ARNT2: variants seen among roughly 807,000 people sequenced by gnomAD.
ARNT2 encodes aryl hydrocarbon receptor nuclear translocator 2, also known as ARNT protein 2.
ARNT2 carries 36 observed loss-of-function variants against 91.7 expected under a neutral mutation model. That is an observed-to-expected ratio of 0.39 (90% CI 0.30 to 0.52). The LOEUF (loss-of-function observed/expected upper bound fraction) is 0.52. ARNT2 is among the 20% of genes least tolerant of loss of function. The pLI, the probability that ARNT2 is intolerant of heterozygous loss-of-function variation, is 0.72. For missense variants in ARNT2, 775 were observed against 939.3 expected (o/e 0.83, Z 2.29); for synonymous variants, 365 against 347.1 (o/e 1.05, Z -0.57).
intron 8 of ARNT2, among the ~76,000 whole-genome samples, chr15:80,521,008 A>G (rs868165729): frequency 6.6e-6 from 1 of 152,228 alleles, no homozygotes; most frequent in Non-Finnish European, 1.5e-5. Context: ...TTTACAAAAT[A>G]TAGTAATTCT....
chr15:80,482,830 AGGCC>A (rs1896910150), intron 5 of ARNT2, among the ~76,000 whole-genome samples: 1 of 152,210 alleles, frequency 6.6e-6, no homozygotes, highest in African/African-American at 2.4e-5. Context: ...GAAGCTCTGG[AGGCC>A]CAGAGATCTG....
chr15:80,555,615 C>T (rs771320118), intron 11 of ARNT2: 1 of 155,310 alleles, frequency 6.4e-6, no homozygotes, highest in Non-Finnish European at 1.4e-5. Flanking sequence ...CTGGTACAGC[C>T]AAGTTATGAA....
At chr15:80,533,854 G>A (rs541853157) in intron 8 of ARNT2, among the ~76,000 whole-genome samples, 2 of 152,312 alleles carry the variant, frequency 1.3e-5, no homozygotes, top group South Asian at 2.1e-4. Flanking sequence ...TTACTGATGA[G>A]GCCCCAAGAG....
intron 3 of ARNT2, among the ~76,000 whole-genome samples, chr15:80,461,574 A>G (rs1212788636): frequency 6.6e-6 from 1 of 152,080 alleles, no homozygotes; most frequent in Non-Finnish European, 1.5e-5. Context: ...GGTCCAGTAG[A>G]GGAGGCCGAG....
Position 80,591,242 on chromosome 15 carries a change from C to T in ARNT2, c.1919-326C>T, listed in dbSNP as rs10220829. On this transcript the variant is annotated intron_variant, in intron 17 of 18. Transcript: ENST00000303329. This position sits in a 1 kb window ranked among gnomAD's most constrained non-coding sequence, Gnocchi z 5.1. ...ATATGCCCCTTGCCCCCCAGATGCC[C>T]GCAGGAGGCCTTTGTGCACAGTCAC... Among the ~76,000 whole-genome samples, 6 of 152,160 alleles carry T rather than the reference C, an allele frequency of 3.9e-5. No individual in the cohort carries two copies. In the South Asian group the frequency reaches 8.3e-4, roughly 21 times the overall value.
At chr15:80,515,735 C>CAAAAA (rs61034995) in intron 8 of ARNT2, among the ~76,000 whole-genome samples, 1 of 136,146 alleles carries the variant, frequency 7.3e-6, no homozygotes, top group Non-Finnish European at 1.6e-5. Flanking sequence ...GTTCCTAAAC[C>CAAAAA]AAAAAAAAAA....
chr15:80,574,396 A>G (rs1159568745), intron 13 of ARNT2, among the ~76,000 whole-genome samples, 176 bp downstream of exon 13: 1 of 152,214 alleles, frequency 6.6e-6, no homozygotes, highest in African/African-American at 2.4e-5. Context: ...ACTCCTCCCT[A>G]TAGAACTGAG....
At position 80,591,649 on chromosome 15, in the gene ARNT2, A is replaced by C; in HGVS notation, c.2000A>C (p.Gln667Pro). Residue 667 changes from glutamine (Q) to proline (P), a missense_variant, in exon 18 of 19, where the codon CAG (glutamine) becomes CCG (proline). Physicochemically the swap from Gln to Pro is moderately conservative, Grantham distance 76. Coordinates refer to ENST00000303329, the MANE Select transcript of ARNT2 (RefSeq NM_014862.4). This position sits in a 1 kb window ranked among gnomAD's most constrained non-coding sequence, Gnocchi z 5.1. ...WSQWQSQHHG[Q>P]QSGEQHSHQQ... ...CAGTGGCAAAGCCAGCACCATGGCC[A>C]GCAGAGCGGTGAGCAGCACTCCCAC... is the stretch of plus-strand genomic sequence containing the variant. 11 of 1,614,186 alleles carry C rather than the reference A, an allele frequency of 6.8e-6. No homozygotes were observed. Among genetic ancestry groups the C allele is most frequent in the Non-Finnish European group, 9.3e-6 (11 of 1,179,998 alleles).
intron 5 of ARNT2, among the ~76,000 whole-genome samples, chr15:80,485,307 A>G (rs1244627716): frequency 6.6e-6 from 1 of 152,224 alleles, no homozygotes; most frequent in African/African-American, 2.4e-5. Context: ...AGGAGAGGGA[A>G]GAAAAGAGGC....
chr15:80,468,224 A>G (rs1264401886), intron 3 of ARNT2, among the ~76,000 whole-genome samples: 1 of 151,564 alleles, frequency 6.6e-6, no homozygotes, highest in Non-Finnish European at 1.5e-5. Flanking sequence ...TGGGTGGGAG[A>G]GAGCACCAGG....
chr15:80,436,331 G>A (rs182423364), intron 1 of ARNT2: 9 of 154,536 alleles, frequency 5.8e-5, no homozygotes, highest in Admixed American at 3.3e-4. Context: ...AGGGTGTGGT[G>A]ATTCCATACG....
intron 3 of ARNT2, among the ~76,000 whole-genome samples, chr15:80,460,003 G>T (rs756503743): frequency 1.3e-5 from 2 of 152,152 alleles, no homozygotes; most frequent in African/African-American, 4.8e-5. Context: ...TCCAGGGGAG[G>T]AGTGGAGAAT....
chr15:80,593,658 A>T lies in ARNT2; in HGVS notation c.2114A>T (p.Asp705Val). 1.2e-6 allele frequency: 2 copies of T among 1,607,568 alleles called. No homozygotes were observed. The highest frequency in any genetic ancestry group is 8.5e-7 in the Non-Finnish European group (1 of 1,176,318). Residue 705 changes from aspartate to valine, a missense_variant, in exon 19 of 19, where the codon GAC becomes GTC. Asp to Val is a radical substitution (Grantham distance 152, BLOSUM62 -3). Transcript: ENST00000303329. ...GGGACTGGCAACTATAACATCGAAGACTTTGCCGACCTGGGCATGTTTCCA... is the reference window on the plus strand; with the variant it reads ...GGGACTGGCAACTATAACATCGAAGTCTTTGCCGACCTGGGCATGTTTCCA... ...TQGTGNYNIE[D>V]FADLGMFPPF... is the part of the protein sequence containing the mutation.
chr15:80,415,462 T>G (rs1895764738), intron 1 of ARNT2, among the ~76,000 whole-genome samples: 1 of 152,200 alleles, frequency 6.6e-6, no homozygotes, highest in Non-Finnish European at 1.5e-5. Flanking sequence ...GAGTCTTTGT[T>G]TCCAAATGCA....
intron 2 of ARNT2, among the ~76,000 whole-genome samples, chr15:80,451,321 T>C (rs1896386362): frequency 6.6e-6 from 1 of 152,264 alleles, no homozygotes; most frequent in African/African-American, 2.4e-5. Context: ...GCAGCACTGC[T>C]GCGCTGAGCT....
chr15:80,448,268 T>C (rs377705171), intron 1 of ARNT2, among the ~76,000 whole-genome samples: 1 of 152,240 alleles, frequency 6.6e-6, no homozygotes, highest in African/African-American at 2.4e-5. Context: ...GTGACTTTCT[T>C]TTACCTCATG....
chr15:80,413,766 G>GT (rs778715779), intron 1 of ARNT2, among the ~76,000 whole-genome samples: 1 of 152,198 alleles, frequency 6.6e-6, no homozygotes, highest in Non-Finnish European at 1.5e-5. Context: ...GTAGAGCCAG[G>GT]CCTTCCAAGA....
chr15:80,524,267 TA>T lies in ARNT2; in HGVS notation c.877+9870del, dbSNP rs956955408. 3.2e-4 allele frequency among the ~76,000 whole-genome samples: 48 copies of T among 152,044 alleles called. 1 individual carries two copies. Among genetic ancestry groups the T allele is most frequent in the African/African-American group, 1.2e-3 (48 of 41,460 alleles). On this transcript the variant is annotated intron_variant, in intron 8 of 18. Transcript: ENST00000303329. Reference sequence around the variant, plus strand: ...ACAAAATACACAATGTTGGTAAAGTTAAAAAAAATGGACACTTTATGTACTG... The same window carrying T: ...ACAAAATACACAATGTTGGTAAAGTTAAAAAAATGGACACTTTATGTACTG...
chr15:80,487,639 A>C (rs970931555), intron 5 of ARNT2: 1 of 152,256 alleles, frequency 6.6e-6, no homozygotes, highest in South Asian at 2.1e-4. Flanking sequence ...TTGTGCCTAC[A>C]TTTCCAGAAG....
Sources: allele counts gnomAD v4.1 joint callset (sites outside exome capture counted in the v4.1 genomes callset), GRCh38; gene constraint gnomAD v4.1.1; non-coding constraint Gnocchi (gnomAD v3.1); transcripts MANE v1.5; gene names NCBI Gene and HGNC (gene_info 2026-07-23, HGNC 2026-07-21).